IKBKB-DT: variants seen among roughly 807,000 people sequenced by gnomAD.
IKBKB-DT encodes IKBKB antisense RNA.
At chr8:42,239,612 A>ATTTT (rs796697635) in intron 3 of IKBKB-DT, among the ~76,000 whole-genome samples, 1 of 65,638 alleles carries the variant, frequency 1.5e-5, no homozygotes. Flanking sequence ...GTAAAAGGCA[A>ATTTT]TTTATATATA....
chr8:42,256,583 AT>A lies in IKBKB-DT; in HGVS notation n.1529+6745del, dbSNP rs1338372686. Among the ~76,000 whole-genome samples, 5 of 152,230 alleles carry A rather than the reference AT, an allele frequency of 3.3e-5. No homozygotes were observed. The East Asian group carries it at 9.6e-4, about 29-fold the overall frequency. On this transcript the variant is annotated intron_variant and non_coding_transcript_variant, in intron 3 of 3. Transcript: ENST00000518213. ...GCAAAACTCCATCTCAAAAAAAATA[AT>A]AATAATTAAAAATAATTTAAATCAT...
At chr8:42,265,467 G>C (rs1807357095) in intron 2 of IKBKB-DT, 2 of 152,456 alleles carry the variant, frequency 1.3e-5, no homozygotes, top group African/African-American at 4.8e-5. Context: ...AGTTGGGACA[G>C]GCAGGTAGGA....
At chr8:42,251,988 T>C (rs1807134202) in intron 3 of IKBKB-DT, among the ~76,000 whole-genome samples, 1 of 152,200 alleles carries the variant, frequency 6.6e-6, no homozygotes, top group African/African-American at 2.4e-5. Flanking sequence ...AAAATCAAGC[T>C]GCAGACATAG....
chr8:42,262,646 A>G (rs1807307019), intron 3 of IKBKB-DT, among the ~76,000 whole-genome samples: 1 of 151,666 alleles, frequency 6.6e-6, no homozygotes, highest in South Asian at 2.1e-4. Context: ...TCACCGTGTT[A>G]GCCAGGATGG....
At chr8:42,255,746 C>T (rs573109084) in intron 3 of IKBKB-DT, among the ~76,000 whole-genome samples, 13 of 152,206 alleles carry the variant, frequency 8.5e-5, no homozygotes, top group African/African-American at 2.9e-4. Context: ...CTATATAGTG[C>T]CAAGCATGGT....
intron 3 of IKBKB-DT, among the ~76,000 whole-genome samples, chr8:42,239,929 G>T (rs941999841): frequency 2.0e-5 from 3 of 151,844 alleles, no homozygotes; most frequent in Non-Finnish European, 4.4e-5. Flanking sequence ...ATGAGCCACC[G>T]TGCCTGGCCG....
chr8:42,236,091 G>A (rs1806918287), intron 3 of IKBKB-DT, among the ~76,000 whole-genome samples: 2 of 151,612 alleles, frequency 1.3e-5, no homozygotes, highest in South Asian at 2.1e-4. Flanking sequence ...ACAAGGACAT[G>A]TCATGGAACA....
intron 1 of IKBKB-DT, among the ~76,000 whole-genome samples, chr8:42,268,292 G>T (rs900232420): frequency 6.6e-6 from 1 of 151,506 alleles, no homozygotes; most frequent in Non-Finnish European, 1.5e-5. Context: ...GTGCCACCAC[G>T]CCCAGCTAAT....
intron 1 of IKBKB-DT, among the ~76,000 whole-genome samples, chr8:42,269,400 AAAAG>A (rs1470670536): frequency 1.6e-5 from 2 of 124,040 alleles, no homozygotes; most frequent in African/African-American, 6.0e-5. Flanking sequence ...GGAAAGAAAA[AAAAG>A]AAAGCTAGCA....
At chr8:42,239,599 T>G (rs1389913286) in intron 3 of IKBKB-DT, among the ~76,000 whole-genome samples, 26 of 137,490 alleles carry the variant, frequency 1.9e-4, no homozygotes, top group African/African-American at 7.0e-4. Context: ...CCAACCAATT[T>G]TTGTAAAAGG....
chr8:42,239,008 T>C (rs1806963477), intron 3 of IKBKB-DT, among the ~76,000 whole-genome samples: 1 of 152,180 alleles, frequency 6.6e-6, no homozygotes, highest in Non-Finnish European at 1.5e-5. Flanking sequence ...GAATTGGTTT[T>C]TTCTGTGCAG....
At chr8:42,257,368 G>A (rs976692017) in intron 3 of IKBKB-DT, among the ~76,000 whole-genome samples, 1 of 152,072 alleles carries the variant, frequency 6.6e-6, no homozygotes, top group Admixed American at 6.6e-5. Flanking sequence ...TGGGTGTGGT[G>A]GCACGCGCCT....
At chr8:42,252,064 G>T (rs1342124688) in intron 3 of IKBKB-DT, among the ~76,000 whole-genome samples, 1 of 152,186 alleles carries the variant, frequency 6.6e-6, no homozygotes, top group Non-Finnish European at 1.5e-5. Context: ...AGGCTACCTG[G>T]AGGCCAGGCA....
intron 3 of IKBKB-DT, among the ~76,000 whole-genome samples, chr8:42,239,632 A>ATATATATATATATT (rs1287944961): frequency 2.2e-4 from 19 of 86,962 alleles, no homozygotes; most frequent in African/African-American, 6.9e-4. Context: ...ATATATATAT[A>ATATATATATATATT]TATTTATTTA....
intron 3 of IKBKB-DT, among the ~76,000 whole-genome samples, chr8:42,254,658 C>A (rs543157995): frequency 1.3e-5 from 2 of 149,640 alleles, no homozygotes; most frequent in African/African-American, 4.9e-5. Flanking sequence ...GCCCGGCCAG[C>A]CTGTCTGGGA....
chr8:42,234,319 C>G (rs1170626209), intron 3 of IKBKB-DT, among the ~76,000 whole-genome samples: 1 of 152,156 alleles, frequency 6.6e-6, no homozygotes, highest in African/African-American at 2.4e-5. Context: ...CTGCCCTGTT[C>G]CTGCCTGACG....
At chr8:42,258,020 G>A (rs1807230307) in intron 3 of IKBKB-DT, among the ~76,000 whole-genome samples, 1 of 151,276 alleles carries the variant, frequency 6.6e-6, no homozygotes, top group African/African-American at 2.4e-5. Flanking sequence ...ATGAAACACA[G>A]GAAATTATTC....
At chr8:42,268,129 ATTTTTTTTTTTTT>A (rs541093630) in intron 1 of IKBKB-DT, among the ~76,000 whole-genome samples, 1 of 130,402 alleles carries the variant, frequency 7.7e-6, no homozygotes, top group Non-Finnish European at 1.6e-5. Context: ...GTGCTCAATA[ATTTTTTTTTTTTT>A]TTTTTTTTTT....
chr8:42,248,154 C>T (rs1807085732), intron 3 of IKBKB-DT, among the ~76,000 whole-genome samples: 1 of 152,000 alleles, frequency 6.6e-6, no homozygotes, highest in African/African-American at 2.4e-5. Context: ...CCCGAGGCCT[C>T]CCCAGCTATG....
Sources: gnomAD v4.1 joint callset for allele counts (sites outside exome capture counted in the v4.1 genomes callset) on GRCh38, gnomAD v4.1.1 for gene constraint, MANE v1.5 for transcripts, NCBI Gene and HGNC (gene_info 2026-07-23, HGNC 2026-07-21) for gene names.